Variants in SLC35F4 observed in about 807,000 individuals in gnomAD.
SLC35F4 encodes solute carrier family 35 member F4, also known as chromosome 14 open reading frame 36.
SLC35F4 carries 24 observed loss-of-function variants against 44.2 expected under a neutral mutation model. That is an observed-to-expected ratio of 0.54 (90% CI 0.39 to 0.76). The LOEUF (loss-of-function observed/expected upper bound fraction) is 0.76. Ranked by LOEUF, SLC35F4 falls within the 30% of genes least tolerant of loss-of-function variation. SLC35F4 has a pLI of 0.00. For missense variants in SLC35F4, 562 were observed against 586.1 expected, an observed-to-expected ratio of 0.96 and a Z score of 0.42; for synonymous variants, 238 against 223.6, an observed-to-expected ratio of 1.06 and a Z score of -0.57.
intron 1 of SLC35F4, chr14:57,799,571 A>T (rs972382170): frequency 6.6e-6 from 1 of 152,442 alleles, no homozygotes; most frequent in East Asian, 1.9e-4. Context: ...CCGCCAGCCA[A>T]TGGCAACAGG....
chr14:57,748,436 T>A (rs1384272777), intron 1 of SLC35F4, among the ~76,000 whole-genome samples: 1 of 152,086 alleles, frequency 6.6e-6, no homozygotes, highest in African/African-American at 2.4e-5. Context: ...GGGTTTTTTT[T>A]AAAGGTATGA....
chr14:57,590,564 C>T (rs539072390), intron 2 of SLC35F4, among the ~76,000 whole-genome samples: 1 of 152,174 alleles, frequency 6.6e-6, no homozygotes, highest in African/African-American at 2.4e-5. Context: ...TTACAGCACA[C>T]TAAAATAGCC....
intron 1 of SLC35F4, among the ~76,000 whole-genome samples, chr14:57,762,651 G>T (rs2077151225): frequency 6.6e-6 from 1 of 152,128 alleles, no homozygotes; most frequent in Admixed American, 6.5e-5. Flanking sequence ...ATGGATTAAT[G>T]CCATTATCAT....
intron 4 of SLC35F4, among the ~76,000 whole-genome samples, chr14:57,579,773 G>C (rs953270213): frequency 1.3e-5 from 2 of 152,192 alleles, no homozygotes; most frequent in African/African-American, 4.8e-5. Context: ...CTTCCTAGGG[G>C]ATGACTTATG....
At chr14:57,936,937 C>T (rs1889807585) in intron 1 of SLC35F4, among the ~76,000 whole-genome samples, 1 of 152,010 alleles carries the variant, frequency 6.6e-6, no homozygotes, top group East Asian at 1.9e-4. Context: ...AAGGAGAGTC[C>T]ATATTGGTGT....
intron 1 of SLC35F4, among the ~76,000 whole-genome samples, chr14:57,603,431 A>G (rs190202700): frequency 1.1e-4 from 16 of 152,314 alleles, no homozygotes; most frequent in African/African-American, 3.8e-4. Context: ...CCCTCATTAT[A>G]TAAGTCTTAA....
In SLC35F4 at chr14:57,951,435, C is replaced by G. The variant is rs1051069503; in HGVS notation, n.282+30478G>C. On this transcript the variant is annotated intron_variant and non_coding_transcript_variant, in intron 1 of 1. Coordinates refer to the SLC35F4 transcript ENST00000556568. ...TGCCTGAAATGCCAGCGAGACAGAACCATTCAATCCCCTGGAAAAGGGGGC... is the reference window on the plus strand; with the variant it reads ...TGCCTGAAATGCCAGCGAGACAGAAGCATTCAATCCCCTGGAAAAGGGGGC... Among the ~76,000 whole-genome samples the G allele has an allele frequency of 2.0e-5, 3 of 152,050 alleles. No homozygotes were observed. The South Asian group carries it at 6.2e-4, about 31-fold the overall frequency.
intron 1 of SLC35F4, among the ~76,000 whole-genome samples, chr14:57,666,292 T>C (rs966742429): frequency 1.3e-5 from 2 of 152,154 alleles, no homozygotes; most frequent in South Asian, 2.1e-4. Flanking sequence ...AATAATCAAA[T>C]ACTATCCAGT....
chr14:57,746,234 TA>T lies in SLC35F4; in HGVS notation c.103+119488del, dbSNP rs543465122. On this transcript the variant is annotated intron_variant, in intron 1 of 7. Coordinates refer to ENST00000556826, the MANE Select transcript of SLC35F4 (RefSeq NM_001306087.2). ...GGTACCCCAGAGCTTAAAGTATAAT[TA>T]AAAAAAAAAGAAAGTACTCAATGAT... 2.4e-3 allele frequency among the ~76,000 whole-genome samples: 357 copies of T among 148,646 alleles called. 2 individuals carry two copies. The highest frequency in any genetic ancestry group is 8.1e-3 in the African/African-American group (328 of 40,588).
chr14:57,883,956 A>T (rs977077423), intron 1 of SLC35F4, among the ~76,000 whole-genome samples: 2 of 152,224 alleles, frequency 1.3e-5, no homozygotes, highest in Non-Finnish European at 2.9e-5. Flanking sequence ...TAAACTTTAA[A>T]ATGACAAATG....
Position 57,967,635 on chromosome 14 carries a change from T to A in SLC35F4, n.282+14278A>T, listed in dbSNP as rs1880912281. ...TCCCTTGAAATAGGTATTATTATCA[T>A]CATTTCTCAGCTAGGGCAACTGATC... is the stretch of plus-strand genomic sequence containing the variant. On this transcript the variant is annotated intron_variant and non_coding_transcript_variant, in intron 1 of 1. Transcript: ENST00000556568. Among the ~76,000 whole-genome samples, 4 of 152,236 alleles carry A rather than the reference T, an allele frequency of 2.6e-5. No homozygotes were observed. In the South Asian group the frequency reaches 8.3e-4, roughly 32 times the overall value.
At chr14:57,734,740 A>T (rs995515529) in intron 1 of SLC35F4, among the ~76,000 whole-genome samples, 29 of 152,218 alleles carry the variant, frequency 1.9e-4, no homozygotes, top group African/African-American at 6.8e-4. Context: ...CTACTCTATT[A>T]AATGAAAAAA....
intron 1 of SLC35F4, among the ~76,000 whole-genome samples, chr14:57,960,112 A>G (rs74054889): frequency 0.011 from 1,737 of 152,292 alleles, 30 homozygotes; most frequent in African/African-American, 0.039. Flanking sequence ...TAATGAGAAT[A>G]GTTACCTTCT....
Position 57,964,388 on chromosome 14 carries a change from G to A in SLC35F4, n.282+17525C>T, listed in dbSNP as rs548189698. ...GATTGTGGCTGGAATCTTGCTCCCA[G>A]GAAGAAAGACTCTAAATTTAAAAAA... is the stretch of plus-strand genomic sequence containing the variant. On this transcript the variant is annotated intron_variant and non_coding_transcript_variant, in intron 1 of 1. Transcript: ENST00000556568. 3.6e-5 allele frequency among the ~76,000 whole-genome samples: 5 copies of A among 138,678 alleles called. 1 individual carries two copies. Among genetic ancestry groups the A allele is most frequent in the Admixed American group, 3.5e-4 (5 of 14,100 alleles). 91.0% of individuals were successfully genotyped at this position (138,678 alleles called of 152,430 possible).
At chr14:57,655,693 G>A (rs1362892315) in intron 1 of SLC35F4, among the ~76,000 whole-genome samples, 1 of 151,986 alleles carries the variant, frequency 6.6e-6, no homozygotes. Context: ...GCCAAGGCTC[G>A]CACCTCAGGC....
chr14:57,922,861 T>G (rs1889468823), intron 1 of SLC35F4, among the ~76,000 whole-genome samples: 1 of 152,236 alleles, frequency 6.6e-6, no homozygotes, highest in Admixed American at 6.5e-5. Context: ...TGATTCTGAG[T>G]GCTGGGATTA....
At chr14:57,630,518 G>C (rs2072716482) in intron 1 of SLC35F4, 2 of 1,117,814 alleles carry the variant, frequency 1.8e-6, no homozygotes, top group Non-Finnish European at 2.7e-6. Context: ...CAAAACTAGA[G>C]GCACCTCAAA....
At chr14:57,974,473 T>C (rs1391176669), downstream of SLC35F4, among the ~76,000 whole-genome samples, 2 of 152,344 alleles carry the variant, frequency 1.3e-5, no homozygotes, top group South Asian at 4.1e-4. Flanking sequence ...TCAATTAACC[T>C]GTGGCCCTCT....
chr14:57,587,603 C>T (rs138703014), intron 3 of SLC35F4, among the ~76,000 whole-genome samples: 2,910 of 152,206 alleles, frequency 0.019, 30 homozygotes, highest in Middle Eastern at 0.044. Flanking sequence ...GGGAACATCC[C>T]ACACCAAGGC....
Sources: allele counts gnomAD v4.1 joint callset (sites outside exome capture counted in the v4.1 genomes callset), GRCh38; gene constraint gnomAD v4.1.1; transcripts MANE v1.5; gene names NCBI Gene and HGNC (gene_info 2026-07-23, HGNC 2026-07-21).